Variants in TTC27 observed in about 807,000 individuals in gnomAD.
The protein encoded by TTC27 is tetratricopeptide repeat domain 27, also known as tetratricopeptide repeat protein 27.
TTC27 carries 79 observed loss-of-function variants against 115.9 expected under a neutral mutation model. That is an observed-to-expected ratio of 0.68 (90% CI 0.57 to 0.82). The LOEUF (loss-of-function observed/expected upper bound fraction) is 0.82. Among genes scored for constraint, TTC27 ranks in the 40% least tolerant of loss-of-function variants. The probability of loss-of-function intolerance (pLI) is 0.00; values close to 1 mark genes in which losing one functional copy is unlikely to be tolerated. For synonymous variants in TTC27, 401 were observed against 356.0 expected, an observed-to-expected ratio of 1.13 and a Z score of -1.42; for missense variants, 1,054 against 993.1, an observed-to-expected ratio of 1.06 and a Z score of -0.82.
In TTC27 at chr2:32,664,320, CTGTT is replaced by C. The variant is rs764297807; in HGVS notation, c.662_665del (p.Phe221Ter). 1.6e-5 allele frequency: 25 copies of C among 1,597,936 alleles called. No individual in the cohort carries two copies. The highest frequency in any genetic ancestry group is 1.1e-4 in the East Asian group (5 of 44,542). On this transcript the variant is annotated frameshift_variant, in exon 6 of 20. Coordinates refer to ENST00000317907, the MANE Select transcript of TTC27 (RefSeq NM_017735.5). LOFTEE classifies it high-confidence loss of function. Reference sequence around the variant, plus strand: ...TCTTGCAGTGATGAAACTACAGAATCTGTTTGTAGATGATTCAGGTCGATATTTG... The same window carrying C: ...TCTTGCAGTGATGAAACTACAGAATCTGTAGATGATTCAGGTCGATATTTG...
chr2:32,751,290 ACACACACACACATG>A (rs1360359974), intron 12 of TTC27, among the ~76,000 whole-genome samples: 1 of 151,542 alleles, frequency 6.6e-6, no homozygotes, highest in African/African-American at 2.4e-5. Flanking sequence ...ACACACACAC[ACACACACACACATG>A]CACACACATA....
chr2:32,777,699 A>T (rs144602796), intron 13 of TTC27, among the ~76,000 whole-genome samples, 183 bp from the exon 14 acceptor site: 1,788 of 152,336 alleles, frequency 0.012, 33 homozygotes, highest in African/African-American at 0.04. Context: ...TGAAAATTAT[A>T]TGGAAAAATT....
intron 10 of TTC27, among the ~76,000 whole-genome samples, chr2:32,718,650 T>A (rs752737909): frequency 2.0e-4 from 31 of 152,304 alleles, no homozygotes; most frequent in Admixed American, 7.2e-4. Context: ...CTGATTGTGT[T>A]GATAGTTAGC....
At chr2:32,790,334 C>A (rs569537839) in intron 16 of TTC27, among the ~76,000 whole-genome samples, 1 of 151,754 alleles carries the variant, frequency 6.6e-6, no homozygotes, top group South Asian at 2.1e-4. Flanking sequence ...GTAAATTAGC[C>A]TCAAATTTTT....
intron 12 of TTC27, among the ~76,000 whole-genome samples, chr2:32,741,011 C>T (rs1460563047): frequency 6.6e-6 from 1 of 152,208 alleles, no homozygotes; most frequent in Admixed American, 6.5e-5. Context: ...CCTTCTTTTA[C>T]TCCCCTTCAT....
rs1318779951 is a variant in TTC27 at position 32,728,081 on chromosome 2, C to T, written c.1234-5747C>T. On this transcript the variant is annotated intron_variant, in intron 10 of 19. Coordinates refer to ENST00000317907, the MANE Select transcript of TTC27 (RefSeq NM_017735.5). ...TTTTGGAGACAGAGTCTCGCTGTCGCCCAGGCTGGAGTGCAGTGGCGTGAT... is the reference window on the plus strand; with the variant it reads ...TTTTGGAGACAGAGTCTCGCTGTCGTCCAGGCTGGAGTGCAGTGGCGTGAT... Among the ~76,000 whole-genome samples, 2 of 147,310 alleles carry T rather than the reference C, an allele frequency of 1.4e-5. 1 individual carries two copies. The highest frequency in any genetic ancestry group is 5.1e-5 in the African/African-American group (2 of 39,574).
chr2:32,640,804 G>T (rs753491540), intron 4 of TTC27, among the ~76,000 whole-genome samples: 118 of 152,058 alleles, frequency 7.8e-4, no homozygotes, highest in Non-Finnish European at 1.5e-3. Flanking sequence ...CTAACATGGT[G>T]AAACCCCATC....
chr2:32,695,907 A>G (rs1447091732), intron 9 of TTC27, among the ~76,000 whole-genome samples: 1 of 114,156 alleles, frequency 8.8e-6, no homozygotes, highest in Non-Finnish European at 1.8e-5. Context: ...TCCATCTCAA[A>G]AAATAAAATA....
intron 5 of TTC27, among the ~76,000 whole-genome samples, chr2:32,657,798 ATTTTC>A (rs918426409): frequency 2.6e-5 from 4 of 151,708 alleles, no homozygotes; most frequent in African/African-American, 9.7e-5. Flanking sequence ...GCTGAGCTCA[ATTTTC>A]TTTTCTTTTT....
At chr2:32,708,579 A>G (rs1282886425) in intron 10 of TTC27, among the ~76,000 whole-genome samples, 2 of 151,898 alleles carry the variant, frequency 1.3e-5, no homozygotes, top group African/African-American at 4.8e-5. Context: ...AAGTGCTGGG[A>G]TTACAGGTGT....
chr2:32,807,605 A>T (rs530009126), intron 16 of TTC27, among the ~76,000 whole-genome samples: 2 of 152,324 alleles, frequency 1.3e-5, no homozygotes, highest in Non-Finnish European at 2.9e-5. Flanking sequence ...ATTGAAAATT[A>T]GTATTATAGG....
At chr2:32,700,253 G>C (rs2151899686) in intron 9 of TTC27, among the ~76,000 whole-genome samples, 1 of 152,280 alleles carries the variant, frequency 6.6e-6, no homozygotes, top group Admixed American at 6.5e-5. Flanking sequence ...AGATGGGAAT[G>C]CTCCTCCAAT....
chr2:32,779,507 T>C (rs184248285), intron 14 of TTC27, among the ~76,000 whole-genome samples: 1 of 152,294 alleles, frequency 6.6e-6, no homozygotes, highest in East Asian at 1.9e-4. Flanking sequence ...CCTTTTATCA[T>C]TGAGTTGTAA....
chr2:32,694,378 G>A (rs916285785), intron 9 of TTC27, among the ~76,000 whole-genome samples: 9 of 152,022 alleles, frequency 5.9e-5, no homozygotes, highest in African/African-American at 1.5e-4. Context: ...ATTTGGGAGC[G>A]TGGTATATAT....
At chr2:32,630,118 C>T (rs1020359230) in intron 1 of TTC27, among the ~76,000 whole-genome samples, 1 of 152,138 alleles carries the variant, frequency 6.6e-6, no homozygotes, top group Non-Finnish European at 1.5e-5. Flanking sequence ...AGTAAACCAG[C>T]GCTCTTGGAG....
rs1267221696 is a variant in TTC27, at chr2:32,780,092, G to A, written c.1779+2112G>A. The A allele has an allele frequency of 6.4e-6, 3 of 466,378 alleles. No individual in the cohort carries two copies. In the Admixed American group the frequency reaches 7.1e-5, roughly 11 times the overall value. 28.9% of individuals were successfully genotyped at this position (466,378 alleles called of 1,614,324 possible). ...CCACTGTCTTGTTTACAGAAACTTT[G>A]TAGTAAGTTTTGAAAATGCTGTGAG... On this transcript the variant is annotated intron_variant, in intron 14 of 19. Coordinates refer to ENST00000317907, the MANE Select transcript of TTC27 (RefSeq NM_017735.5).
intron 9 of TTC27, among the ~76,000 whole-genome samples, chr2:32,696,559 A>G (rs578262379): frequency 6.6e-6 from 1 of 152,068 alleles, no homozygotes; most frequent in East Asian, 1.9e-4. Flanking sequence ...CTCCGAAAGT[A>G]CTAGGATTAC....
At position 32,633,991 on chromosome 2, in the gene TTC27, C is replaced by T; in HGVS notation, c.382C>T (p.Gln128Ter). ...PQDFLSSVLF[Q>*]QFSEVKGLDA... ...GGACTTTTTGTCATCTGTTTTGTTC[C>T]AGCAATTCAGTGAGGTATGCTTCTT... Residue 128 changes from glutamine to a stop codon, truncating the protein, a stop_gained, in exon 3 of 20, where the codon CAG becomes TAG. Transcript: ENST00000317907. LOFTEE classifies it high-confidence loss of function. 1 of 1,613,158 alleles carries T rather than the reference C, an allele frequency of 6.2e-7. No homozygotes were observed.
In TTC27 at chr2:32,804,597, G is replaced by A. The variant is rs75482926; in HGVS notation, c.1999-6427G>A. Among the ~76,000 whole-genome samples, 451 of 151,970 alleles carry A rather than the reference G, an allele frequency of 3.0e-3. 5 individuals are homozygous for A. Among genetic ancestry groups the A allele is most frequent in the African/African-American group, 0.01 (435 of 41,454 alleles). On this transcript the variant is annotated intron_variant, in intron 16 of 19. Transcript: ENST00000317907. ...AAATTCTATAGCCTAATGTTACAGT[G>A]AAAAAGGAAGATAAAACAGTTTACA...
Sources: gnomAD v4.1 joint callset for allele counts (sites outside exome capture counted in the v4.1 genomes callset) on GRCh38, gnomAD v4.1.1 for gene constraint, MANE v1.5 for transcripts, NCBI Gene and HGNC (gene_info 2026-07-23, HGNC 2026-07-21) for gene names.